The following C1GALT1 variants were observed in gnomAD, a reference collection of about 807,000 sequenced individuals.
C1GALT1 encodes the protein glycoprotein-N-acetylgalactosamine 3-beta-galactosyltransferase 1.
Under a neutral mutation model 31.0 loss-of-function variants are expected in C1GALT1, and 11 were observed. The observed-to-expected ratio is 0.36, with a 90% CI of 0.22 to 0.59. The LOEUF (loss-of-function observed/expected upper bound fraction) is 0.59. Ranked by LOEUF, C1GALT1 falls within the 20% of genes least tolerant of loss-of-function variation. C1GALT1 has a pLI of 0.79. For synonymous variants in C1GALT1, 175 were observed against 143.6 expected, an observed-to-expected ratio of 1.22 and a Z score of -1.56; for missense variants, 424 against 425.2, an observed-to-expected ratio of 1.00 and a Z score of 0.03.
chr7:7,201,422 G>A (rs961676681), intron 1 of C1GALT1, among the ~76,000 whole-genome samples: 1 of 152,166 alleles, frequency 6.6e-6, no homozygotes, highest in Non-Finnish European at 1.5e-5. Flanking sequence ...CTACTGGGAG[G>A]TGTCTCCCAG....
At chr7:7,180,951 G>A (rs1780570673), upstream of C1GALT1, among the ~76,000 whole-genome samples, 1 of 152,062 alleles carries the variant, frequency 6.6e-6, no homozygotes, top group Non-Finnish European at 1.5e-5. Flanking sequence ...GGCAGGGTGG[G>A]GGCAGGGCTG....
chr7:7,248,521 C>G lies in C1GALT1; in HGVS notation c.*4794C>G, dbSNP rs1783936144. The G allele has an allele frequency of 6.6e-6, 1 of 151,882 alleles. No homozygotes were observed. Among genetic ancestry groups the G allele is most frequent in the Non-Finnish European group, 1.5e-5 (1 of 67,828 alleles). The allele number at this position is 151,882 out of a possible 1,614,324, so 9.4% of individuals were successfully genotyped here. A position where few individuals can be genotyped will look rare whatever the true frequency, so the allele number is the denominator to read the frequency against. On this transcript the variant is annotated 3_prime_UTR_variant, in exon 4 of 4. Transcript: ENST00000436587. ...TATTTTTAAGTGATCACCATTAAGT[C>G]AGAAAAATGTATTTTTAAATGTTTC...
intron 2 of C1GALT1, among the ~76,000 whole-genome samples, chr7:7,171,182 C>A (rs1472330576): frequency 6.6e-6 from 1 of 152,098 alleles, no homozygotes; most frequent in Non-Finnish European, 1.5e-5. Context: ...ATATTCTATT[C>A]ATTTTTGAAA....
rs983656401 is a variant in C1GALT1 at position 7,247,709 on chromosome 7, T to C, written c.*3982T>C. ...TAGACTATAATTCTTTGACAGTTTC[T>C]GCCTGGTGTTTATTGCCCTTCTTTG... On this transcript the variant is annotated 3_prime_UTR_variant, in exon 4 of 4. Coordinates refer to ENST00000436587, the MANE Select transcript of C1GALT1 (RefSeq NM_020156.5). 5.9e-5 allele frequency: 9 copies of C among 152,104 alleles called. No homozygotes were observed. Among genetic ancestry groups the C allele is most frequent in the African/African-American group, 2.2e-4 (9 of 41,458 alleles). 9.4% of individuals were successfully genotyped at this position (152,104 alleles called of 1,614,324 possible). A position where few individuals can be genotyped will look rare whatever the true frequency, so the allele number is the denominator to read the frequency against.
intron 2 of C1GALT1, among the ~76,000 whole-genome samples, chr7:7,172,597 A>G (rs1470567092): frequency 1.3e-5 from 2 of 152,196 alleles, no homozygotes; most frequent in Non-Finnish European, 2.9e-5. Flanking sequence ...CCTCTTGATG[A>G]TGACGCACAG....
At chr7:7,218,387 C>A (rs186157823) in intron 1 of C1GALT1, among the ~76,000 whole-genome samples, 1 of 152,180 alleles carries the variant, frequency 6.6e-6, no homozygotes, top group Non-Finnish European at 1.5e-5. Flanking sequence ...ATTTTTAAGA[C>A]AGGACTGTTA....
intron 3 of C1GALT1, among the ~76,000 whole-genome samples, chr7:7,241,554 T>C (rs1783630695): frequency 6.6e-6 from 1 of 152,052 alleles, no homozygotes; most frequent in African/African-American, 2.4e-5. Flanking sequence ...GCCCAGGATT[T>C]TTTGTAAGTC....
intron 1 of C1GALT1, among the ~76,000 whole-genome samples, chr7:7,232,484 G>GTTTTTTTT (rs67013405): frequency 7.5e-6 from 1 of 132,886 alleles, no homozygotes. Context: ...AAGGGCGTGG[G>GTTTTTTTT]TTTTTTTTTT....
intron 1 of C1GALT1, among the ~76,000 whole-genome samples, chr7:7,221,294 A>G (rs1454121969): frequency 1.3e-5 from 2 of 151,676 alleles, no homozygotes; most frequent in Non-Finnish European, 2.9e-5. Flanking sequence ...GAGGTTTTCA[A>G]TTTTCTTACA....
intron 1 of C1GALT1, among the ~76,000 whole-genome samples, chr7:7,216,928 C>G (rs901384450): frequency 6.6e-6 from 1 of 152,148 alleles, no homozygotes; most frequent in African/African-American, 2.4e-5. Flanking sequence ...AATTCTCTTT[C>G]TTTTCTAACA....
At chr7:7,168,422 G>C (rs547550444) in intron 2 of C1GALT1, among the ~76,000 whole-genome samples, 1 of 152,170 alleles carries the variant, frequency 6.6e-6, no homozygotes, top group African/African-American at 2.4e-5. Flanking sequence ...AAAGGAGTGT[G>C]AATATTGATT....
chr7:7,192,143 C>CTT (rs111303287), intron 1 of C1GALT1, among the ~76,000 whole-genome samples: 1 of 148,422 alleles, frequency 6.7e-6, no homozygotes, highest in African/African-American at 2.5e-5. Context: ...ACTTTTTCTT[C>CTT]TTTTTTTTTT....
At chr7:7,207,684 A>G (rs961722373) in intron 1 of C1GALT1, among the ~76,000 whole-genome samples, 1 of 151,062 alleles carries the variant, frequency 6.6e-6, no homozygotes. Context: ...GTTTCTTTGT[A>G]TACCTTGTGA....
rs937908501 is a variant in C1GALT1 at position 7,247,828 on chromosome 7, A to G, written c.*4101A>G. 1.3e-5 allele frequency: 2 copies of G among 151,994 alleles called. No individual in the cohort carries two copies. Among genetic ancestry groups the G allele is most frequent in the Non-Finnish European group, 2.9e-5 (2 of 67,922 alleles). The allele number at this position is 151,994 out of a possible 1,614,324, so 9.4% of individuals were successfully genotyped here. The stretch of plus-strand genomic sequence containing the variant: ...GTTAATAGTGATTAGAATTTTTATC[A>G]CTTAATTGATAATTTTAAGCCTACT... On this transcript the variant is annotated 3_prime_UTR_variant, in exon 4 of 4. Coordinates refer to ENST00000436587, the MANE Select transcript of C1GALT1 (RefSeq NM_020156.5).
chr7:7,191,155 C>T (rs750569569), intron 1 of C1GALT1, among the ~76,000 whole-genome samples: 1 of 152,116 alleles, frequency 6.6e-6, no homozygotes, highest in African/African-American at 2.4e-5. Context: ...TCTCACCTTT[C>T]CACAGGCCCT....
intron 1 of C1GALT1, among the ~76,000 whole-genome samples, chr7:7,212,316 T>C (rs1287042493): frequency 1.3e-5 from 2 of 152,184 alleles, no homozygotes. Flanking sequence ...GGGCTTTTTA[T>C]TGGCTCTGCG....
At chr7:7,205,533 C>G (rs1313771561) in intron 1 of C1GALT1, among the ~76,000 whole-genome samples, 6 of 152,096 alleles carry the variant, frequency 3.9e-5, no homozygotes, top group Admixed American at 1.3e-4. Context: ...GTCTTGATGT[C>G]TTCTGGGTGG....
At chr7:7,236,017 T>C (rs1783322402) in intron 2 of C1GALT1, among the ~76,000 whole-genome samples, 2 of 152,228 alleles carry the variant, frequency 1.3e-5, no homozygotes, top group South Asian at 4.1e-4. Flanking sequence ...TTCTGTATTA[T>C]GTCTTTATTT....
intron 1 of C1GALT1, among the ~76,000 whole-genome samples, chr7:7,187,723 A>G (rs1260718140): frequency 1.3e-5 from 2 of 152,172 alleles, no homozygotes; most frequent in African/African-American, 2.4e-5. Context: ...GTTGGTGGGA[A>G]GCAAGTGTTG....
Sources: allele counts gnomAD v4.1 joint callset (sites outside exome capture counted in the v4.1 genomes callset), GRCh38; gene constraint gnomAD v4.1.1; transcripts MANE v1.5; gene names NCBI Gene and HGNC (gene_info 2026-07-23, HGNC 2026-07-21).